Variants in NIPAL3 observed in about 807,000 individuals in gnomAD.
NIPAL3 encodes the protein NIPA like domain containing 3, also known as NIPA-like protein 3.
Under a neutral mutation model 47.2 loss-of-function variants are expected in NIPAL3, and 41 were observed. The ratio of observed to expected loss-of-function variants is 0.87; its 90% confidence interval spans 0.68 to 1.13. The LOEUF (loss-of-function observed/expected upper bound fraction) is 1.13, where lower values mean the gene tolerates loss of function less well. Ranked by LOEUF, NIPAL3 falls within the 50% of genes most tolerant of loss-of-function variation. The pLI is 0.00. For missense variants in NIPAL3, 449 were observed against 530.1 expected (o/e 0.85, Z 1.50); for synonymous variants, 194 against 209.6 (o/e 0.93, Z 0.64).
At chr1:24,441,793 A>G (rs1403219331) in intron 3 of NIPAL3, among the ~76,000 whole-genome samples, 2 of 152,264 alleles carry the variant, frequency 1.3e-5, no homozygotes, top group East Asian at 1.9e-4. Flanking sequence ...AGACTGACTC[A>G]GGATGAGGCC....
At chr1:24,447,736 T>C (rs1645738401) in intron 5 of NIPAL3, among the ~76,000 whole-genome samples, 1 of 152,222 alleles carries the variant, frequency 6.6e-6, no homozygotes, top group South Asian at 2.1e-4. Context: ...AATCCTAGGA[T>C]GAGAGCCGTG....
chr1:24,458,132 A>T (rs1646308918), intron 8 of NIPAL3, among the ~76,000 whole-genome samples: 1 of 152,204 alleles, frequency 6.6e-6, no homozygotes, highest in African/African-American at 2.4e-5. Context: ...CAGTGAAGAA[A>T]CTAGTACAGC....
chr1:24,439,043 C>T (rs531697381), intron 2 of NIPAL3, among the ~76,000 whole-genome samples: 18 of 150,894 alleles, frequency 1.2e-4, no homozygotes, highest in Non-Finnish European at 2.4e-4. Flanking sequence ...GACTCCAAAA[C>T]GGGGAGGGGT....
intron 3 of NIPAL3, among the ~76,000 whole-genome samples, chr1:24,441,487 C>G (rs572597832): frequency 1.1e-4 from 16 of 152,216 alleles, no homozygotes; most frequent in Non-Finnish European, 2.2e-4. Context: ...GTTCACATTT[C>G]CCCCCAAAAA....
At chr1:24,456,078 C>G (rs548024254) in intron 7 of NIPAL3, 60 bp from the exon 8 acceptor site, 6 of 1,601,674 alleles carry the variant, frequency 3.7e-6, no homozygotes, top group Non-Finnish European at 5.1e-6. Context: ...ACTGGCTTTC[C>G]GGACCTAACT....
intron 2 of NIPAL3, 132 bp downstream of exon 2, chr1:24,419,772 C>T: frequency 1.3e-6 from 1 of 771,442 alleles, no homozygotes; most frequent in Non-Finnish European, 2.1e-6. Context: ...GCTCTTCACA[C>T]AGACAAGGGA....
chr1:24,468,159 C>CA (rs1366023044), intron 11 of NIPAL3, among the ~76,000 whole-genome samples: 1 of 151,804 alleles, frequency 6.6e-6, no homozygotes, highest in Non-Finnish European at 1.5e-5. Context: ...AAAAAACCCA[C>CA]AAAAAATTAG....
intron 11 of NIPAL3, among the ~76,000 whole-genome samples, chr1:24,468,598 G>A (rs1386971230): frequency 1.3e-5 from 2 of 152,092 alleles, no homozygotes; most frequent in African/African-American, 4.8e-5. Context: ...CTCTTTCCTC[G>A]ACAGTGTAAC....
chr1:24,456,787 G>C (rs903401970), intron 8 of NIPAL3, among the ~76,000 whole-genome samples: 7 of 152,184 alleles, frequency 4.6e-5, no homozygotes, highest in Non-Finnish European at 7.3e-5. Flanking sequence ...TTTTGAGATA[G>C]AGTCTCACTC....
chr1:24,458,978 T>G lies in NIPAL3; in HGVS notation c.862+2T>G. 1 of 1,613,156 alleles carries G rather than the reference T, an allele frequency of 6.2e-7. No homozygotes were observed. Among genetic ancestry groups the G allele is most frequent in the Non-Finnish European group, 8.5e-7 (1 of 1,179,172 alleles). ...CCACAACCATTGCTATCACAGCAGG[T>G]AAGGGTGACCCATTGCTAGATTTCT... is the stretch of plus-strand genomic sequence containing the variant. On this transcript the variant is annotated splice_donor_variant, in intron 9 of 11. Transcript: ENST00000374399. LOFTEE classifies it high-confidence loss of function.
chr1:24,453,969 G>A, intron 7 of NIPAL3: 1 of 445,314 alleles, frequency 2.2e-6, no homozygotes, highest in African/African-American at 2.0e-5. Context: ...TTAGAGGGAT[G>A]GGTGCTGTGG....
At chr1:24,461,414 T>G (rs1305995548) in intron 10 of NIPAL3, among the ~76,000 whole-genome samples, 1 of 151,158 alleles carries the variant, frequency 6.6e-6, no homozygotes, top group African/African-American at 2.5e-5. Context: ...TGATGGTGCA[T>G]GCCTGTAATC....
chr1:24,426,573 C>G (rs1050285897), intron 2 of NIPAL3, among the ~76,000 whole-genome samples: 1 of 152,146 alleles, frequency 6.6e-6, no homozygotes, highest in Non-Finnish European at 1.5e-5. Context: ...TACAGTTATC[C>G]TAAATATAAG....
At chr1:24,455,097 A>G (rs966403948) in intron 7 of NIPAL3, among the ~76,000 whole-genome samples, 2 of 152,230 alleles carry the variant, frequency 1.3e-5, no homozygotes, top group African/African-American at 4.8e-5. Flanking sequence ...CCCAAGAGAC[A>G]CTGCGTGTTG....
intron 2 of NIPAL3, among the ~76,000 whole-genome samples, chr1:24,430,439 G>A (rs764860742): frequency 5.3e-5 from 8 of 151,982 alleles, no homozygotes; most frequent in Non-Finnish European, 8.8e-5. Flanking sequence ...TGGTAGAGAT[G>A]GGGTTTCACC....
intron 3 of NIPAL3, 66 bp downstream of exon 3, chr1:24,440,306 C>T (rs1645316335): frequency 1.5e-6 from 2 of 1,302,374 alleles, no homozygotes; most frequent in Non-Finnish European, 2.1e-6. Context: ...GTGTCTTATC[C>T]AGGTCCAGCT....
At position 24,419,424 on chromosome 1, in the gene NIPAL3, G is replaced by T; in HGVS notation, c.-124G>T. 7.2e-7 allele frequency: 1 copy of T among 1,384,034 alleles called. No homozygotes were observed. The highest frequency in any genetic ancestry group is 9.4e-7 in the Non-Finnish European group (1 of 1,066,988). 85.7% of individuals were successfully genotyped at this position (1,384,034 alleles called of 1,614,324 possible). On this transcript the variant is annotated 5_prime_UTR_variant, in exon 2 of 12. An upstream start codon of the reference 5' UTR is lost. Transcript: ENST00000374399. ...CAGCCTTGAAGTATTCTTTTGTCAT[G>T]AGGAAGTGACGGCTGCTGGAGGGAG... is the stretch of plus-strand genomic sequence containing the variant.
intron 7 of NIPAL3, among the ~76,000 whole-genome samples, chr1:24,455,167 A>G (rs1646135532): frequency 6.6e-6 from 1 of 152,214 alleles, no homozygotes; most frequent in African/African-American, 2.4e-5. Flanking sequence ...AGCAAAGCAC[A>G]GCAGCAGGGA....
rs1400552893 is a variant in NIPAL3 at position 24,416,366 on chromosome 1, C to T, written c.-258+462C>T. 2 of 982,136 alleles carry T rather than the reference C, an allele frequency of 2.0e-6. No homozygotes were observed. Among genetic ancestry groups the T allele is most frequent in the Non-Finnish European group, 2.4e-6 (2 of 826,964 alleles). The allele number at this position is 982,136 out of a possible 1,614,324, so 60.8% of individuals were successfully genotyped here. A position where few individuals can be genotyped will look rare whatever the true frequency, so the allele number is the denominator to read the frequency against. On this transcript the variant is annotated intron_variant, in intron 1 of 11. Coordinates refer to ENST00000374399, the MANE Select transcript of NIPAL3 (RefSeq NM_020448.5). This position sits in a 1 kb window ranked among gnomAD's most constrained non-coding sequence, Gnocchi z 4.8. The stretch of plus-strand genomic sequence containing the variant: ...CTTCTCGTGAGCCAAAGCCGAGGAA[C>T]GGGAAGCTTGGCAGGGAACTGGCGC...
Sources: allele counts gnomAD v4.1 joint callset (sites outside exome capture counted in the v4.1 genomes callset), GRCh38; gene constraint gnomAD v4.1.1; non-coding constraint Gnocchi (gnomAD v3.1); transcripts MANE v1.5; gene names NCBI Gene and HGNC (gene_info 2026-07-23, HGNC 2026-07-21).